Variants in SDK1 observed in about 807,000 individuals in gnomAD.
SDK1 encodes sidekick cell adhesion molecule 1, also known as protein sidekick-1.
In SDK1, 157 loss-of-function variants were observed where a neutral mutation model predicts 245.5. The observed-to-expected ratio is 0.64, with a 90% CI of 0.56 to 0.73. The LOEUF (loss-of-function observed/expected upper bound fraction) is 0.73, where lower values mean the gene tolerates loss of function less well. Among genes scored for constraint, SDK1 ranks in the 30% least tolerant of loss-of-function variants. The probability of loss-of-function intolerance (pLI) is 0.00; values close to 1 mark genes in which losing one functional copy is unlikely to be tolerated. For synonymous variants in SDK1, 1,647 were observed against 1,278.5 expected (o/e 1.29, Z -6.15); for missense variants, 3,583 against 3,002.3 (o/e 1.19, Z -4.52).
At chr7:3,463,593 T>G (rs1357119505) in intron 1 of SDK1, among the ~76,000 whole-genome samples, 1 of 152,198 alleles carries the variant, frequency 6.6e-6, no homozygotes, top group Non-Finnish European at 1.5e-5. Context: ...CTTTCACTAC[T>G]GGAGTATTTA....
At chr7:4,016,793 C>T (rs1022847320) in intron 16 of SDK1, among the ~76,000 whole-genome samples, 2 of 152,162 alleles carry the variant, frequency 1.3e-5, no homozygotes, top group Non-Finnish European at 2.9e-5. Flanking sequence ...AGTCTCCCCA[C>T]GTTTCAGACT....
Position 3,838,814 on chromosome 7 carries a change from TTATAG to T in SDK1, c.847+17234_847+17238del, listed in dbSNP as rs144015866. Reference sequence around the variant, plus strand: ...CAAAATGTTTGCACTCTTGTCTTTCTTATAGTAGAGAAATCCTTTAATATAACCAA... The same window carrying T: ...CAAAATGTTTGCACTCTTGTCTTTCTTAGAGAAATCCTTTAATATAACCAA... On this transcript the variant is annotated intron_variant, in intron 5 of 44. Transcript: ENST00000404826. Among the ~76,000 whole-genome samples, 1,053 of 152,296 alleles carry T rather than the reference TTATAG, an allele frequency of 6.9e-3. 13 individuals are homozygous for T. Among genetic ancestry groups the T allele is most frequent in the African/African-American group, 0.024 (984 of 41,570 alleles).
chr7:4,174,114 C>T, intron 32 of SDK1, 108 bp from the exon 33 acceptor site: 1 of 1,271,028 alleles, frequency 7.9e-7, no homozygotes, highest in South Asian at 1.3e-5. Flanking sequence ...GAACCCACGA[C>T]TTTCTTCTGT....
intron 1 of SDK1, among the ~76,000 whole-genome samples, chr7:3,477,247 G>T (rs780429217): frequency 2.2e-5 from 3 of 136,364 alleles, no homozygotes; most frequent in Non-Finnish European, 4.6e-5. Flanking sequence ...TCAGGCTGGA[G>T]TGCAGCGGCG....
chr7:3,701,547 T>C (rs554636492), intron 4 of SDK1, among the ~76,000 whole-genome samples: 3 of 152,234 alleles, frequency 2.0e-5, no homozygotes, highest in Admixed American at 2.0e-4. Flanking sequence ...TGTAGTGAGC[T>C]ATGATCGTGC....
At chr7:3,734,053 G>A (rs1484639139) in intron 4 of SDK1, among the ~76,000 whole-genome samples, 1 of 152,168 alleles carries the variant, frequency 6.6e-6, no homozygotes, top group African/African-American at 2.4e-5. Context: ...CTGTGCCCTG[G>A]ACCCACAGCT....
At chr7:3,759,356 T>C (rs893933824) in intron 4 of SDK1, among the ~76,000 whole-genome samples, 4 of 152,128 alleles carry the variant, frequency 2.6e-5, no homozygotes, top group African/African-American at 4.8e-5. Context: ...AGCAGTGCTA[T>C]ATAGAAAATA....
chr7:3,791,966 A>G (rs1289664793), intron 4 of SDK1, among the ~76,000 whole-genome samples: 1 of 151,932 alleles, frequency 6.6e-6, no homozygotes, highest in Non-Finnish European at 1.5e-5. Flanking sequence ...TTTCCAAAAA[A>G]TGCAAAAAAA....
chr7:4,070,352 G>A (rs1290936503), intron 20 of SDK1, among the ~76,000 whole-genome samples: 1 of 152,118 alleles, frequency 6.6e-6, no homozygotes, highest in Non-Finnish European at 1.5e-5. Context: ...CAAAAACTCT[G>A]CTTTGCAAAG....
intron 5 of SDK1, among the ~76,000 whole-genome samples, chr7:3,880,771 C>G (rs569777547): frequency 6.6e-6 from 1 of 152,198 alleles, no homozygotes; most frequent in East Asian, 1.9e-4. Flanking sequence ...AGAGCAGTTC[C>G]CGGGCCTCCA....
At position 4,114,078 on chromosome 7, in the gene SDK1, G is replaced by C; in HGVS notation, c.3627G>C (p.Val1209=). Residue 1209 remains valine, a synonymous_variant, in exon 25 of 45, where the codon GTG becomes GTC. Transcript: ENST00000404826. ...DSQYNGNPES[V]GYRIKYWRSD... ...AGTACAACGGGAACCCCGAGTCCGT[G>C]GGCTACAGGATTAAGTACTGGCGCT... is the stretch of plus-strand genomic sequence containing the variant. The C allele has an allele frequency of 6.2e-7, 1 of 1,614,210 alleles. No homozygotes were observed. Among genetic ancestry groups the C allele is most frequent in the African/African-American group, 1.3e-5 (1 of 75,046 alleles).
At position 3,383,423 on chromosome 7, in the gene SDK1, A is replaced by G. The variant is rs920547857; in HGVS notation, c.298+81539A>G. Among the ~76,000 whole-genome samples the G allele has an allele frequency of 4.6e-5, 7 of 152,244 alleles. No individual in the cohort carries two copies. The East Asian group carries it at 9.7e-4, about 21-fold the overall frequency. ...GACCCTGTTTCTATTAAAAAAACACATGGGGTGATTTCCCTCTCCCCAGTT... is the reference window on the plus strand; with the variant it reads ...GACCCTGTTTCTATTAAAAAAACACGTGGGGTGATTTCCCTCTCCCCAGTT... On this transcript the variant is annotated intron_variant, in intron 1 of 44. Transcript: ENST00000404826.
chr7:4,205,855 C>T (rs1784187050), intron 35 of SDK1, 24 bp from the exon 36 acceptor site: 4 of 1,535,444 alleles, frequency 2.6e-6, no homozygotes, highest in African/African-American at 1.4e-5. Context: ...GTCTCAGCTT[C>T]TCTCCGCATT....
chr7:3,830,317 C>A (rs1403535824), intron 5 of SDK1, among the ~76,000 whole-genome samples: 1 of 152,282 alleles, frequency 6.6e-6, no homozygotes, highest in East Asian at 1.9e-4. Context: ...TTTGCCTAAT[C>A]GGATTTTTTA....
At chr7:3,799,809 A>G (rs745534155) in intron 4 of SDK1, among the ~76,000 whole-genome samples, 5 of 151,986 alleles carry the variant, frequency 3.3e-5, no homozygotes, top group African/African-American at 1.2e-4. Flanking sequence ...CCAAATGCTA[A>G]ATTTGGAACT....
At chr7:3,757,820 C>T (rs543854342) in intron 4 of SDK1, among the ~76,000 whole-genome samples, 13 of 152,262 alleles carry the variant, frequency 8.5e-5, no homozygotes, top group South Asian at 2.1e-4. Context: ...GCCCCCTCCC[C>T]TCCCAGGAGA....
intron 4 of SDK1, among the ~76,000 whole-genome samples, chr7:3,676,586 A>G (rs932033789): frequency 7.2e-5 from 11 of 152,028 alleles, no homozygotes; most frequent in African/African-American, 2.7e-4. Context: ...TGGCCTCCCA[A>G]AGTGCTGGGA....
Position 3,701,875 on chromosome 7 carries a change from A to G in SDK1, c.713+59770A>G, listed in dbSNP as rs117684329. On this transcript the variant is annotated intron_variant, in intron 4 of 44. Coordinates refer to ENST00000404826, the MANE Select transcript of SDK1 (RefSeq NM_152744.4). Reference sequence around the variant, plus strand: ...AGCATAAAAGCAATTCAATGGAGGAAGAATAGTCTTTTCAACAAATGCTGC... The same window carrying G: ...AGCATAAAAGCAATTCAATGGAGGAGGAATAGTCTTTTCAACAAATGCTGC... Among the ~76,000 whole-genome samples the G allele has an allele frequency of 1.4e-4, 21 of 151,232 alleles. No homozygotes were observed. In the East Asian group the frequency reaches 3.9e-3, roughly 28 times the overall value.
At chr7:4,065,785 T>C (rs1462300505) in intron 19 of SDK1, among the ~76,000 whole-genome samples, 1 of 141,840 alleles carries the variant, frequency 7.1e-6, no homozygotes, top group Admixed American at 7.8e-5. Context: ...TTTGTCCAAG[T>C]ACCAACTCAG....
Sources: allele counts gnomAD v4.1 joint callset (sites outside exome capture counted in the v4.1 genomes callset), GRCh38; gene constraint gnomAD v4.1.1; transcripts MANE v1.5; gene names NCBI Gene and HGNC (gene_info 2026-07-23, HGNC 2026-07-21).